Variants in CDH8 observed in about 807,000 individuals in gnomAD.
CDH8 encodes cadherin 8.
In CDH8, 17 loss-of-function variants were observed where a neutral mutation model predicts 68.1. That is an observed-to-expected ratio of 0.25 (90% confidence interval 0.17 to 0.37). The LOEUF (loss-of-function observed/expected upper bound fraction) is 0.37. CDH8 is among the 10% of genes least tolerant of loss of function. The pLI, the probability that CDH8 is intolerant of heterozygous loss-of-function variation, is 1.00. For missense variants in CDH8, 763 were observed against 999.3 expected (o/e 0.76, Z 3.19); for synonymous variants, 372 against 365.1 (o/e 1.02, Z -0.21).
chr16:61,991,096 G>A (rs1965713017), intron 2 of CDH8, among the ~76,000 whole-genome samples: 1 of 152,132 alleles, frequency 6.6e-6, no homozygotes, highest in African/African-American at 2.4e-5. Context: ...TCACCTCTGT[G>A]ACTCCAATAT....
intron 2 of CDH8, among the ~76,000 whole-genome samples, chr16:62,006,488 T>C (rs1275426390): frequency 6.6e-6 from 1 of 152,196 alleles, no homozygotes; most frequent in African/African-American, 2.4e-5. Flanking sequence ...GGGTTGATAT[T>C]AATAGCCCTA....
Position 61,771,971 on chromosome 16 carries a change from C to G in CDH8, c.1414+17375G>C, listed in dbSNP as rs188331313. 5.0e-3 allele frequency among the ~76,000 whole-genome samples: 754 copies of G among 152,038 alleles called. 23 individuals are homozygous for G. The highest frequency in any genetic ancestry group is 0.046 in the Admixed American group (701 of 15,224). Reference sequence around the variant, plus strand: ...CTCATTCATTGTTAAATTATGGCAACAGGTGTGGAACAGACTTCAGCATCA... The same window carrying G: ...CTCATTCATTGTTAAATTATGGCAAGAGGTGTGGAACAGACTTCAGCATCA... On this transcript the variant is annotated intron_variant, in intron 8 of 11. Transcript: ENST00000577390.
At chr16:61,730,855 C>T (rs1226536878) in intron 8 of CDH8, among the ~76,000 whole-genome samples, 1 of 151,576 alleles carries the variant, frequency 6.6e-6, no homozygotes, top group African/African-American at 2.4e-5. Context: ...ACACACCGTT[C>T]AATTTTGTTT....
In CDH8 at chr16:61,817,629, G is replaced by T. The variant is rs1179259076; in HGVS notation, c.1127C>A (p.Ala376Glu). 1 of 1,613,806 alleles carries T rather than the reference G, an allele frequency of 6.2e-7. No individual in the cohort carries two copies. The highest frequency in any genetic ancestry group is 1.7e-5 in the Admixed American group (1 of 59,964). The change falls in exon 7 of 12, where the codon GCG (alanine) becomes GAG (glutamate). Residue 376 changes from alanine to glutamate, a missense_variant. Ala to Glu is a moderately radical substitution (Grantham distance 107). Coordinates refer to ENST00000577390, the MANE Select transcript of CDH8 (RefSeq NM_001796.5). ...ATCTTCAACCACGATTTTGACTGTCGCCGTGTCTTTAAAGGGCCCCCTGCC... is the reference window on the plus strand; with the variant it reads ...ATCTTCAACCACGATTTTGACTGTCTCCGTGTCTTTAAAGGGCCCCCTGCC... ...FSGRGPFKDT[A>E]TVKIVVEDAD...
At chr16:62,003,455 T>C (rs1446719732) in intron 2 of CDH8, among the ~76,000 whole-genome samples, 2 of 152,256 alleles carry the variant, frequency 1.3e-5, no homozygotes, top group Non-Finnish European at 2.9e-5. Context: ...ATAGATTTAA[T>C]ATTTCATTAT....
chr16:61,898,395 T>C (rs376345006), intron 3 of CDH8, among the ~76,000 whole-genome samples: 3 of 152,044 alleles, frequency 2.0e-5, no homozygotes, highest in Non-Finnish European at 2.9e-5. Flanking sequence ...AGAAGAAATA[T>C]ATGGATAACA....
At chr16:61,931,247 T>G (rs565768669) in intron 2 of CDH8, among the ~76,000 whole-genome samples, 92 of 152,246 alleles carry the variant, frequency 6.0e-4, no homozygotes, top group Non-Finnish European at 1.1e-3. Flanking sequence ...CACTGTCATC[T>G]CGAACTCCTG....
intron 2 of CDH8, among the ~76,000 whole-genome samples, chr16:61,959,696 ATGTG>A (rs1270631429): frequency 6.9e-6 from 1 of 145,802 alleles, no homozygotes; most frequent in African/African-American, 2.6e-5. Flanking sequence ...TTCTCTCTGT[ATGTG>A]TGTCTGTGTA....
chr16:61,733,299 G>A (rs1199456338), intron 8 of CDH8, among the ~76,000 whole-genome samples: 1 of 151,746 alleles, frequency 6.6e-6, no homozygotes, highest in African/African-American at 2.4e-5. Context: ...ACTTTTGGGT[G>A]TATGTTTGTA....
chr16:61,989,225 T>A (rs1965676209), intron 2 of CDH8, among the ~76,000 whole-genome samples: 1 of 152,198 alleles, frequency 6.6e-6, no homozygotes, highest in Admixed American at 6.5e-5. Context: ...TTCACAAATT[T>A]GTATTCTTTG....
chr16:61,835,199 C>T lies in CDH8; in HGVS notation c.668-10020G>A, dbSNP rs183294606. On this transcript the variant is annotated intron_variant, in intron 4 of 11. Transcript: ENST00000577390. ...CTTGGAAATTGTTGCTATAGAATAG[C>T]GGGCTTGAAAGCTTTAAATCAGACC... Among the ~76,000 whole-genome samples, 41 of 151,956 alleles carry T rather than the reference C, an allele frequency of 2.7e-4. No homozygotes were observed. The East Asian group carries it at 7.2e-3, about 27-fold the overall frequency.
At chr16:61,910,338 C>T (rs1419901251) in intron 2 of CDH8, among the ~76,000 whole-genome samples, 1 of 120,814 alleles carries the variant, frequency 8.3e-6, no homozygotes, top group Non-Finnish European at 1.9e-5. Context: ...CAAGCAGCCA[C>T]AAAAAAAAAA....
At chr16:61,989,726 G>A (rs139330267) in intron 2 of CDH8, among the ~76,000 whole-genome samples, 13 of 152,286 alleles carry the variant, frequency 8.5e-5, no homozygotes, top group African/African-American at 3.1e-4. Context: ...AAAAACATGT[G>A]CTTGTTAGTA....
At chr16:61,822,334 T>G (rs1962236781) in intron 5 of CDH8, among the ~76,000 whole-genome samples, 1 of 149,434 alleles carries the variant, frequency 6.7e-6, no homozygotes, top group Admixed American at 6.7e-5. Context: ...CAAATTCTTG[T>G]CTCAGGGTCT....
At chr16:61,854,858 T>C (rs1371329318) in intron 4 of CDH8, among the ~76,000 whole-genome samples, 1 of 152,140 alleles carries the variant, frequency 6.6e-6, no homozygotes, top group Non-Finnish European at 1.5e-5. Flanking sequence ...GAGTCTAATT[T>C]AGATTCTTAG....
At position 61,872,781 on chromosome 16, in the gene CDH8, ATTTTATTTTTGGT is replaced by A. The variant is rs554193034; in HGVS notation, c.548-15556_548-15544del. On this transcript the variant is annotated intron_variant, in intron 3 of 11. Transcript: ENST00000577390. ...ACTCAGATGGTTCGGGGGACTTAGA[ATTTTATTTTTGGT>A]TTTTATTTTTGGTACAAAAGTAATA... Among the ~76,000 whole-genome samples the A allele has an allele frequency of 3.9e-5, 6 of 152,266 alleles. No homozygotes were observed. The East Asian group carries it at 1.2e-3, about 29-fold the overall frequency.
chr16:61,687,292 A>G (rs1596866570), intron 10 of CDH8, among the ~76,000 whole-genome samples: 1 of 152,122 alleles, frequency 6.6e-6, no homozygotes, highest in East Asian at 1.9e-4. Context: ...AGTACATAAG[A>G]GTCAATTCTT....
rs80342844 is a variant in CDH8 at position 61,759,092 on chromosome 16, G to A, written c.1414+30254C>T. Among the ~76,000 whole-genome samples the A allele has an allele frequency of 5.2e-3, 792 of 152,252 alleles. 8 individuals carry two copies. The highest frequency in any genetic ancestry group is 0.03 in the East Asian group (153 of 5,178). Reference sequence around the variant, plus strand: ...ACAGCATTGACCACAGCAGATTCACGAGGTGTCCAAAGTCAAGAAGAGCTC... The same window carrying A: ...ACAGCATTGACCACAGCAGATTCACAAGGTGTCCAAAGTCAAGAAGAGCTC... On this transcript the variant is annotated intron_variant, in intron 8 of 11. Transcript: ENST00000577390.
At chr16:61,773,475 G>C (rs1388481844) in intron 8 of CDH8, among the ~76,000 whole-genome samples, 1 of 152,082 alleles carries the variant, frequency 6.6e-6, no homozygotes, top group African/African-American at 2.4e-5. Context: ...TGGTATTTGT[G>C]TATTGTTTAT....
Sources: allele counts gnomAD v4.1 joint callset (sites outside exome capture counted in the v4.1 genomes callset), GRCh38; gene constraint gnomAD v4.1.1; transcripts MANE v1.5; gene names NCBI Gene and HGNC (gene_info 2026-07-23, HGNC 2026-07-21).